LRRC8D: variants seen among roughly 807,000 people sequenced by gnomAD.
LRRC8D encodes the protein leucine rich repeat containing 8 VRAC subunit D.
A neutral mutation model predicts 55.8 loss-of-function variants in LRRC8D; 20 were observed. That is an observed-to-expected ratio of 0.36 (90% CI 0.25 to 0.52). LRRC8D has a LOEUF of 0.52. LRRC8D is among the 20% of genes least tolerant of loss of function. The pLI is 0.93. For missense variants in LRRC8D, 651 were observed against 1,030.8 expected (o/e 0.63, Z 5.05); for synonymous variants, 352 against 377.0 (o/e 0.93, Z 0.77).
intron 2 of LRRC8D, among the ~76,000 whole-genome samples, chr1:89,876,347 A>G (rs1662148731): frequency 6.6e-6 from 1 of 152,204 alleles, no homozygotes; most frequent in African/African-American, 2.4e-5. Flanking sequence ...TTTACCATAC[A>G]GATTCCTGGG....
At position 89,936,479 on chromosome 1, in the gene LRRC8D, T is replaced by G. The variant is rs1271209486; in HGVS notation, c.*834T>G. On this transcript the variant is annotated 3_prime_UTR_variant, in exon 3 of 3. Coordinates refer to ENST00000337338, the MANE Select transcript of LRRC8D (RefSeq NM_001134479.2). Reference sequence around the variant, plus strand: ...AACACAACCTCCAGTATCACCACCATTTGGAAGATAACACAGAATCACAAG... The same window carrying G: ...AACACAACCTCCAGTATCACCACCAGTTGGAAGATAACACAGAATCACAAG... The G allele has an allele frequency of 6.5e-6, 1 of 153,424 alleles. No individual in the cohort carries two copies. Among genetic ancestry groups the G allele is most frequent in the Non-Finnish European group, 1.5e-5 (1 of 68,014 alleles). 9.5% of individuals were successfully genotyped at this position (153,424 alleles called of 1,614,324 possible). A position where few individuals can be genotyped will look rare whatever the true frequency, so the allele number is the denominator to read the frequency against.
rs577543910 is a variant in LRRC8D, at chr1:89,928,831, A to G, written c.-2-4236A>G. Among the ~76,000 whole-genome samples the G allele has an allele frequency of 2.0e-5, 3 of 152,334 alleles. No individual in the cohort carries two copies. In the East Asian group the frequency reaches 5.8e-4, roughly 29 times the overall value. On this transcript the variant is annotated intron_variant, in intron 2 of 2. Transcript: ENST00000337338. ...AAATAACACTGGTTGCAAGAATCCA[A>G]CAATGTCTCTGCTGTGTGGTCCTTT...
Position 89,933,205 on chromosome 1 carries a change from A to G in LRRC8D, c.137A>G (p.Gln46Arg). 6.2e-7 allele frequency: 1 copy of G among 1,614,186 alleles called. No individual in the cohort carries two copies. Among genetic ancestry groups the G allele is most frequent in the Non-Finnish European group, 8.5e-7 (1 of 1,180,038 alleles). The change falls in exon 3 of 3, where the codon CAA (glutamine) becomes CGA (arginine). Residue 46 changes from glutamine to arginine, a missense_variant. By Grantham distance (43) the Gln-to-Arg change is conservative. Coordinates refer to ENST00000337338, the MANE Select transcript of LRRC8D (RefSeq NM_001134479.2). This position sits in a 1 kb window ranked among gnomAD's most constrained non-coding sequence, Gnocchi z 7.0. ...LMVAIFAGTMQLTKDQVVCLP... is the reference protein window; with the variant it reads ...LMVAIFAGTMRLTKDQVVCLP... The stretch of plus-strand genomic sequence containing the variant: ...GTAGCCATCTTTGCAGGAACCATGC[A>G]ACTTACCAAAGATCAGGTGGTCTGT...
intron 2 of LRRC8D, among the ~76,000 whole-genome samples, chr1:89,854,054 A>C (rs1661489027): frequency 6.6e-6 from 1 of 152,200 alleles, no homozygotes; most frequent in Non-Finnish European, 1.5e-5. Context: ...TCTAGAGCAC[A>C]AGCATACTCA....
intron 2 of LRRC8D, among the ~76,000 whole-genome samples, chr1:89,915,040 G>C (rs4396108): frequency 6.6e-6 from 1 of 151,806 alleles, no homozygotes; most frequent in Non-Finnish European, 1.5e-5. Context: ...GTGTGTGTGT[G>C]TGTGTGGTGT....
chr1:89,846,660 T>C (rs1451335104), intron 2 of LRRC8D: 1 of 152,138 alleles, frequency 6.6e-6, no homozygotes, highest in East Asian at 1.9e-4. Context: ...GAACTCAAGG[T>C]TTGTTTTCAT....
intron 1 of LRRC8D, among the ~76,000 whole-genome samples, chr1:89,828,763 A>G (rs1398379909): frequency 6.6e-6 from 1 of 151,718 alleles, no homozygotes; most frequent in Non-Finnish European, 1.5e-5. Flanking sequence ...TTCTTAAAAC[A>G]TTTTTTTCTT....
At chr1:89,841,420 G>A (rs562347690) in intron 1 of LRRC8D, among the ~76,000 whole-genome samples, 3 of 147,620 alleles carry the variant, frequency 2.0e-5, no homozygotes, top group African/African-American at 5.0e-5. Context: ...TTTTGTGAGT[G>A]CACAAGACTC....
chr1:89,921,631 G>A (rs1441753641), intron 2 of LRRC8D, among the ~76,000 whole-genome samples: 2 of 151,978 alleles, frequency 1.3e-5, no homozygotes, highest in African/African-American at 2.4e-5. Context: ...TACAACCTCC[G>A]CCTCCCAACT....
At chr1:89,926,827 A>G (rs936226772) in intron 2 of LRRC8D, among the ~76,000 whole-genome samples, 1 of 152,226 alleles carries the variant, frequency 6.6e-6, no homozygotes, top group Non-Finnish European at 1.5e-5. Context: ...TCTGGTAGGA[A>G]GAACATGTGC....
intron 2 of LRRC8D, among the ~76,000 whole-genome samples, chr1:89,898,021 G>A (rs1390435769): frequency 3.9e-5 from 6 of 152,254 alleles, no homozygotes; most frequent in Admixed American, 2.6e-4. Context: ...CGCCATACTC[G>A]CTCCTAAGCA....
intron 2 of LRRC8D, among the ~76,000 whole-genome samples, chr1:89,902,463 G>T (rs147788910): frequency 6.6e-6 from 1 of 152,052 alleles, no homozygotes; most frequent in South Asian, 2.1e-4. Context: ...ATAAGCTGCC[G>T]TAGCCACTGA....
chr1:89,934,163 T>G lies in LRRC8D; in HGVS notation c.1095T>G (p.Leu365=), dbSNP rs1271326480. 5 of 1,614,126 alleles carry G rather than the reference T, an allele frequency of 3.1e-6. No individual in the cohort carries two copies. The highest frequency in any genetic ancestry group is 2.7e-5 in the African/African-American group (2 of 75,044). ...THNMAYMLKK[L]LISYISIICV... is the part of the protein sequence containing the mutation. The stretch of plus-strand genomic sequence containing the variant: ...ATATGGCTTACATGTTGAAAAAGCT[T>G]CTCATCAGTTACATATCCATTATTT... The change falls in exon 3 of 3, where the codon CTT becomes CTG. Residue 365 remains leucine (L), a synonymous_variant. Transcript: ENST00000337338. This position sits in a 1 kb window ranked among gnomAD's most constrained non-coding sequence, Gnocchi z 5.9.
At chr1:89,930,482 A>G (rs1462670966) in intron 2 of LRRC8D, among the ~76,000 whole-genome samples, 1 of 151,916 alleles carries the variant, frequency 6.6e-6, no homozygotes, top group African/African-American at 2.4e-5. Context: ...ATGAGCCACC[A>G]TCTCGTATCT....
In LRRC8D at chr1:89,935,653, T is replaced by C. The variant is rs1280414249; in HGVS notation, c.*8T>C. ...TTTGCAAATGGGATTTAAACTAAGA[T>C]AATATATGCACAGTGATGTGCAGGA... On this transcript the variant is annotated 3_prime_UTR_variant, in exon 3 of 3. Coordinates refer to ENST00000337338, the MANE Select transcript of LRRC8D (RefSeq NM_001134479.2). 1 of 1,611,766 alleles carries C rather than the reference T, an allele frequency of 6.2e-7. No homozygotes were observed. The highest frequency in any genetic ancestry group is 1.3e-5 in the African/African-American group (1 of 75,024).
chr1:89,828,342 G>T (rs1353561166), intron 1 of LRRC8D, among the ~76,000 whole-genome samples: 1 of 152,184 alleles, frequency 6.6e-6, no homozygotes, highest in Non-Finnish European at 1.5e-5. Flanking sequence ...TTCCAGAGTG[G>T]GTCCCTGATG....
At chr1:89,927,220 G>A (rs1570896524) in intron 2 of LRRC8D, among the ~76,000 whole-genome samples, 4 of 152,384 alleles carry the variant, frequency 2.6e-5, no homozygotes, top group African/African-American at 9.6e-5. Context: ...GCCTTGGGAC[G>A]GGGCGGAGGC....
intron 2 of LRRC8D, among the ~76,000 whole-genome samples, chr1:89,895,482 G>A (rs1662683739): frequency 6.7e-6 from 1 of 148,584 alleles, no homozygotes; most frequent in Admixed American, 6.7e-5. Context: ...AAATATATGT[G>A]TAATAATTTT....
intron 2 of LRRC8D, among the ~76,000 whole-genome samples, chr1:89,889,502 T>C (rs1001606572): frequency 4.0e-5 from 6 of 151,816 alleles, no homozygotes; most frequent in Non-Finnish European, 5.9e-5. Context: ...ATATTATTAA[T>C]GGGTGGAGTA....
Sources: allele counts gnomAD v4.1 joint callset (sites outside exome capture counted in the v4.1 genomes callset), GRCh38; gene constraint gnomAD v4.1.1; non-coding constraint Gnocchi (gnomAD v3.1); transcripts MANE v1.5; gene names NCBI Gene and HGNC (gene_info 2026-07-23, HGNC 2026-07-21).